The following EFCAB13 variants were observed in gnomAD, a reference collection of about 807,000 sequenced individuals.
The protein encoded by EFCAB13 is EF-hand calcium binding domain 13, also known as EF-hand calcium-binding domain-containing protein 13.
Under a neutral mutation model 110.2 loss-of-function variants are expected in EFCAB13, and 91 were observed. The ratio of observed to expected loss-of-function variants is 0.83; its 90% confidence interval spans 0.70 to 0.98. EFCAB13 has a LOEUF of 0.98. Ranked by LOEUF, EFCAB13 falls within the 50% of genes least tolerant of loss-of-function variation. The probability of loss-of-function intolerance (pLI) is 0.00; values close to 1 mark genes in which losing one functional copy is unlikely to be tolerated. For synonymous variants in EFCAB13, 323 were observed against 369.9 expected (o/e 0.87, Z 1.45); for missense variants, 968 against 1,119.4 (o/e 0.86, Z 1.93).
intron 23 of EFCAB13, among the ~76,000 whole-genome samples, chr17:47,427,423 A>G (rs1054290087): frequency 3.3e-5 from 5 of 152,058 alleles, no homozygotes; most frequent in African/African-American, 1.2e-4. Context: ...TTTTATATCC[A>G]GGCATTGGAA....
intron 14 of EFCAB13, among the ~76,000 whole-genome samples, chr17:47,390,271 CACAA>C (rs1238712023): frequency 1.3e-5 from 2 of 151,894 alleles, no homozygotes; most frequent in Non-Finnish European, 2.9e-5. Flanking sequence ...ACACAATATA[CACAA>C]ACAATATTCA....
chr17:47,394,937 G>A (rs1011103346), intron 16 of EFCAB13, among the ~76,000 whole-genome samples: 2 of 151,966 alleles, frequency 1.3e-5, no homozygotes, highest in African/African-American at 4.8e-5. Context: ...GCATGTTTAT[G>A]TTTACTTCTT....
chr17:47,400,321 G>C (rs925362708), intron 17 of EFCAB13, among the ~76,000 whole-genome samples: 1 of 152,144 alleles, frequency 6.6e-6, no homozygotes. Context: ...AAGAATAATT[G>C]AGCTACAAAT....
chr17:47,335,197 C>T lies in EFCAB13; in HGVS notation c.32C>T (p.Ala11Val). The T allele has an allele frequency of 1.3e-6, 2 of 1,594,940 alleles. No homozygotes were observed. Among genetic ancestry groups the T allele is most frequent in the Non-Finnish European group, 1.7e-6 (2 of 1,173,604 alleles). ...GATTGTGGCTCTTATATTCCCCAGG[C>T]AGAGGAAAATATTGACTTATTAGAT... is the stretch of plus-strand genomic sequence containing the variant. METKVHLFCQ[A>V]EENIDLLDDG... Residue 11 changes from alanine to valine, a missense_variant and splice_region_variant, in exon 5 of 25, where the codon GCA (alanine) becomes GTA (valine). Ala to Val is a moderately conservative substitution (Grantham distance 64). Transcript: ENST00000331493.
intron 5 of EFCAB13, among the ~76,000 whole-genome samples, chr17:47,336,007 AGAG>A (rs1383037917): frequency 6.6e-6 from 1 of 152,226 alleles, no homozygotes; most frequent in East Asian, 1.9e-4. Flanking sequence ...GATTCTAGTT[AGAG>A]GAGAACAGTT....
intron 23 of EFCAB13, among the ~76,000 whole-genome samples, chr17:47,424,741 A>G (rs1418976857): frequency 6.6e-6 from 1 of 151,964 alleles, no homozygotes; most frequent in Admixed American, 6.6e-5. Flanking sequence ...CCAACAGTAC[A>G]TTTAGAAGAG....
At chr17:47,332,579 C>T (rs983878225) in intron 4 of EFCAB13, among the ~76,000 whole-genome samples, 2 of 151,458 alleles carry the variant, frequency 1.3e-5, no homozygotes, top group East Asian at 1.9e-4. Flanking sequence ...AACCTCTCCA[C>T]CCCCCAGCCT....
At chr17:47,344,976 T>G in intron 7 of EFCAB13, 40 bp from the exon 8 acceptor site, 2 of 1,489,740 alleles carry the variant, frequency 1.3e-6, no homozygotes, top group South Asian at 2.4e-5. Context: ...AATTTGCATA[T>G]TTTCATTGCC....
intron 20 of EFCAB13, among the ~76,000 whole-genome samples, chr17:47,406,039 GT>G (rs1484347431): frequency 4.5e-4 from 68 of 152,148 alleles, no homozygotes; most frequent in African/African-American, 1.6e-3. Flanking sequence ...AATATTTCCA[GT>G]TGCATTTTGA....
chr17:47,374,264 T>C (rs1247783645), intron 11 of EFCAB13, among the ~76,000 whole-genome samples: 1 of 152,184 alleles, frequency 6.6e-6, no homozygotes, highest in Non-Finnish European at 1.5e-5. Context: ...GATGGGAATA[T>C]GTAAATATAT....
intron 14 of EFCAB13, among the ~76,000 whole-genome samples, chr17:47,382,063 G>T (rs981420575): frequency 4.6e-5 from 7 of 152,074 alleles, no homozygotes; most frequent in African/African-American, 1.7e-4. Flanking sequence ...CCTTGAAGAG[G>T]TCCTTCACAT....
chr17:47,351,899 GTTTT>G (rs762050927), intron 9 of EFCAB13, among the ~76,000 whole-genome samples: 1 of 121,510 alleles, frequency 8.2e-6, no homozygotes. Flanking sequence ...TTTTCATGTA[GTTTT>G]TTTTTTTTTT....
At chr17:47,347,610 A>G (rs1249397253) in intron 8 of EFCAB13, among the ~76,000 whole-genome samples, 198 bp from the exon 9 acceptor site, 4 of 152,206 alleles carry the variant, frequency 2.6e-5, no homozygotes, top group Non-Finnish European at 5.9e-5. Context: ...ACAGTTTCTG[A>G]AAGTTCTTTA....
At chr17:47,373,835 TTGC>T (rs1038120286) in intron 11 of EFCAB13, among the ~76,000 whole-genome samples, 2 of 152,168 alleles carry the variant, frequency 1.3e-5, no homozygotes, top group African/African-American at 2.4e-5. Flanking sequence ...TGAGATTATA[TTGC>T]TGCTGCGTGA....
chr17:47,352,556 A>G (rs1038860089), intron 9 of EFCAB13, among the ~76,000 whole-genome samples: 1 of 152,082 alleles, frequency 6.6e-6, no homozygotes, highest in Non-Finnish European at 1.5e-5. Context: ...TTAGGATTAC[A>G]TTGGCTATTT....
At chr17:47,327,570 T>A (rs2065293788) in intron 3 of EFCAB13, among the ~76,000 whole-genome samples, 2 of 152,182 alleles carry the variant, frequency 1.3e-5, no homozygotes, top group African/African-American at 4.8e-5. Flanking sequence ...CGATTCTGCC[T>A]CAGCCTCCTG....
At chr17:47,423,680 C>A (rs1035050746) in intron 23 of EFCAB13, among the ~76,000 whole-genome samples, 2 of 151,634 alleles carry the variant, frequency 1.3e-5, no homozygotes, top group African/African-American at 4.8e-5. Context: ...GTCCGCACGA[C>A]GTGTCACCCC....
chr17:47,423,314 T>TACA (rs1598764108), intron 23 of EFCAB13: 1 of 152,544 alleles, frequency 6.6e-6, no homozygotes, highest in African/African-American at 2.4e-5. Context: ...GGCATTTTGT[T>TACA]GGCTATTTAC....
At chr17:47,327,354 G>A (rs1439691681) in intron 3 of EFCAB13, among the ~76,000 whole-genome samples, 4 of 151,788 alleles carry the variant, frequency 2.6e-5, no homozygotes, top group Non-Finnish European at 5.9e-5. Context: ...CAGTAGAGAC[G>A]GGGTTTCATC....
Sources: allele counts gnomAD v4.1 joint callset (sites outside exome capture counted in the v4.1 genomes callset), GRCh38; gene constraint gnomAD v4.1.1; transcripts MANE v1.5; gene names NCBI Gene and HGNC (gene_info 2026-07-23, HGNC 2026-07-21).